ADCY3: variants seen among roughly 807,000 people sequenced by gnomAD.
ADCY3 encodes the protein adenylate cyclase 3, also known as adenylate cyclase type 3.
Under a neutral mutation model 119.4 loss-of-function variants are expected in ADCY3, and 70 were observed. The ratio of observed to expected loss-of-function variants is 0.59; its 90% confidence interval spans 0.48 to 0.72. The LOEUF (loss-of-function observed/expected upper bound fraction) is 0.72, where lower values mean the gene tolerates loss of function less well. Among genes scored for constraint, ADCY3 ranks in the 30% least tolerant of loss-of-function variants. The pLI is 0.00. For missense variants in ADCY3, 1,238 were observed against 1,541.6 expected, an observed-to-expected ratio of 0.80 and a Z score of 3.30; for synonymous variants, 672 against 621.4, an observed-to-expected ratio of 1.08 and a Z score of -1.21.
chr2:24,821,075 GCATGGTAGTGGCCAGCT>G, intron 20 of ADCY3: 1 of 588,220 alleles, frequency 1.7e-6, no homozygotes, highest in Non-Finnish European at 2.9e-6. Context: ...GATTTACTCG[GCATGGTAGTGGCCAGCT>G]TCTAACACAG....
At chr2:24,830,859 T>G (rs778271894) in intron 12 of ADCY3, 34 bp from the exon 13 acceptor site, 11 of 1,541,452 alleles carry the variant, frequency 7.1e-6, no homozygotes, top group Non-Finnish European at 9.9e-6. Context: ...GCCATGAGCC[T>G]TTGCCAGTCC....
intron 3 of ADCY3, among the ~76,000 whole-genome samples, chr2:24,870,962 C>T (rs368608431): frequency 1.4e-4 from 22 of 152,150 alleles, no homozygotes; most frequent in East Asian, 1.2e-3. Context: ...CAGGGTGAAA[C>T]ACAGGGCCTT....
intron 2 of ADCY3, among the ~76,000 whole-genome samples, chr2:24,879,452 C>CAAAA (rs34029858): frequency 2.0e-4 from 13 of 66,064 alleles, no homozygotes; most frequent in Non-Finnish European, 2.6e-4. Context: ...GACTCTGTCT[C>CAAAA]AAAAAAAAAA....
chr2:24,830,552 C>A (rs1166545040), intron 13 of ADCY3, among the ~76,000 whole-genome samples, 157 bp downstream of exon 13: 1 of 152,146 alleles, frequency 6.6e-6, no homozygotes, highest in East Asian at 1.9e-4. Context: ...AAGACTCCTT[C>A]CACTAGGTGG....
At chr2:24,859,235 G>A (rs1264692157) in intron 3 of ADCY3, among the ~76,000 whole-genome samples, 1 of 152,214 alleles carries the variant, frequency 6.6e-6, no homozygotes, top group East Asian at 1.9e-4. Context: ...CATTACATTA[G>A]ACGCGGAGAA....
chr2:24,915,494 G>A (rs371072078), intron 2 of ADCY3, among the ~76,000 whole-genome samples: 6 of 152,182 alleles, frequency 3.9e-5, no homozygotes, highest in Admixed American at 6.5e-5. Flanking sequence ...CCGCTGTCCC[G>A]GGTGTCCCTC....
At chr2:24,863,835 C>T (rs1315848775) in intron 3 of ADCY3, among the ~76,000 whole-genome samples, 1 of 152,242 alleles carries the variant, frequency 6.6e-6, no homozygotes, top group Non-Finnish European at 1.5e-5. Context: ...CAGGATGTCA[C>T]TCCTGCCTTG....
chr2:24,911,967 C>T (rs1188558671), intron 2 of ADCY3, among the ~76,000 whole-genome samples: 1 of 152,170 alleles, frequency 6.6e-6, no homozygotes, highest in Non-Finnish European at 1.5e-5. Flanking sequence ...TCAGTTGTCA[C>T]CCATTTCAGT....
chr2:24,889,955 T>C (rs991204812), intron 2 of ADCY3, among the ~76,000 whole-genome samples: 1 of 152,254 alleles, frequency 6.6e-6, no homozygotes, highest in South Asian at 2.1e-4. Context: ...AAATATGATG[T>C]AGGTTTTGCA....
In ADCY3 at chr2:24,822,518, G is replaced by A. The variant is rs1558397828; in HGVS notation, c.2996C>T (p.Ser999Phe). The part of the protein sequence containing the change: ...PDVNTNGFAS[S>F]NKEDKSERER... The stretch of plus-strand genomic sequence containing the variant: ...GCTACTGGGGTTAGCTACCTTGTTG[G>A]AGCTGGCAAAGCCATTGGTGTTGAC... The change falls in exon 19 of 22, where the codon TCC (serine) becomes TTC (phenylalanine). Residue 999 changes from serine to phenylalanine, a missense_variant. This residue lies in a region of ADCY3 where 63 missense variants were observed against 62.8 expected (regional missense o/e 1.00). Transcript: ENST00000679454. 3 of 1,613,718 alleles carry A rather than the reference G, an allele frequency of 1.9e-6. No homozygotes were observed. The highest frequency in any genetic ancestry group is 2.2e-5 in the South Asian group (2 of 91,068).
At chr2:24,851,880 G>A (rs114851031) in intron 3 of ADCY3, among the ~76,000 whole-genome samples, 289 of 152,140 alleles carry the variant, frequency 1.9e-3, no homozygotes, top group African/African-American at 6.4e-3. Context: ...ATTGTCTCGC[G>A]CGTTGTTCCA....
intron 2 of ADCY3, among the ~76,000 whole-genome samples, chr2:24,881,909 C>T (rs1449985686): frequency 6.6e-6 from 1 of 152,204 alleles, no homozygotes; most frequent in Non-Finnish European, 1.5e-5. Context: ...TCCTACACTG[C>T]ACAGGGCAGC....
intron 3 of ADCY3, among the ~76,000 whole-genome samples, chr2:24,857,692 C>T (rs551955022): frequency 4.2e-4 from 64 of 152,310 alleles, no homozygotes; most frequent in African/African-American, 1.4e-3. Context: ...GAGAAGGATG[C>T]GGAGGGTTCG....
chr2:24,871,179 G>T (rs1427007869), intron 3 of ADCY3, among the ~76,000 whole-genome samples: 1 of 151,326 alleles, frequency 6.6e-6, no homozygotes, highest in Non-Finnish European at 1.5e-5. Context: ...TGCCTCCACA[G>T]TGCGAGATCA....
Position 24,820,775 on chromosome 2 carries a change from T to C in ADCY3, c.3201A>G (p.Thr1067=), listed in dbSNP as rs749621110. 4 of 1,614,106 alleles carry C rather than the reference T, an allele frequency of 2.5e-6. No individual in the cohort carries two copies. Among genetic ancestry groups the C allele is most frequent in the South Asian group, 2.2e-5 (2 of 91,078 alleles). Residue 1067 remains threonine, a synonymous_variant, in exon 21 of 22, where the codon ACA becomes ACG. Transcript: ENST00000679454. ...RKPHYDIWGN[T]VNVASRMEST... Reference sequence around the variant, plus strand: ...ACTCCATCCTGCTGGCTACATTGACTGTATTGCCCCAGATGTCGTAGTGTG... The same window carrying C: ...ACTCCATCCTGCTGGCTACATTGACCGTATTGCCCCAGATGTCGTAGTGTG...
chr2:24,839,766 G>A, intron 7 of ADCY3, 107 bp downstream of exon 7: 1 of 1,503,494 alleles, frequency 6.7e-7, no homozygotes, highest in Non-Finnish European at 9.2e-7. Context: ...GTTGTAGGGA[G>A]GCCTTCTCTG....
intron 13 of ADCY3, 32 bp from the exon 14 acceptor site, chr2:24,828,193 GT>G: frequency 3.1e-6 from 5 of 1,608,258 alleles, no homozygotes; most frequent in Non-Finnish European, 4.2e-6. Flanking sequence ...AGGGACACAC[GT>G]TCAAGAGAAC....
At chr2:24,848,287 G>A (rs1671889370) in intron 3 of ADCY3, among the ~76,000 whole-genome samples, 1 of 152,238 alleles carries the variant, frequency 6.6e-6, no homozygotes. Flanking sequence ...GTGCCTTAAG[G>A]ACATGCTCCT....
At chr2:24,897,904 C>T (rs1001747625) in intron 2 of ADCY3, among the ~76,000 whole-genome samples, 1 of 152,166 alleles carries the variant, frequency 6.6e-6, no homozygotes, top group South Asian at 2.1e-4. Context: ...ACAGCCATCA[C>T]CGTTCGCTGC....
Sources: allele counts gnomAD v4.1 joint callset (sites outside exome capture counted in the v4.1 genomes callset), GRCh38; gene constraint gnomAD v4.1.1; regional missense constraint gnomAD v4.1.1; transcripts MANE v1.5; gene names NCBI Gene and HGNC (gene_info 2026-07-23, HGNC 2026-07-21).